CHSY3: variants seen among roughly 807,000 people sequenced by gnomAD.
CHSY3 encodes N-acetylgalactosaminyl-proteoglycan 3-beta-glucuronosyltransferase 3.
In CHSY3, 35 loss-of-function variants were observed where a neutral mutation model predicts 67.2. That is an observed-to-expected ratio of 0.52 (90% CI 0.40 to 0.69). CHSY3 has a LOEUF of 0.69. Among genes scored for constraint, CHSY3 ranks in the 30% least tolerant of loss-of-function variants. CHSY3 has a pLI of 0.00. For synonymous variants in CHSY3, 474 were observed against 434.7 expected (o/e 1.09, Z -1.12); for missense variants, 1,069 against 1,138.5 (o/e 0.94, Z 0.88).
At chr5:130,169,981 A>C (rs1424555334) in intron 2 of CHSY3, among the ~76,000 whole-genome samples, 1 of 152,026 alleles carries the variant, frequency 6.6e-6, no homozygotes, top group Non-Finnish European at 1.5e-5. Flanking sequence ...TTAAATTTTT[A>C]AATAAAATAT....
At chr5:130,116,293 T>C (rs951781247) in intron 2 of CHSY3, among the ~76,000 whole-genome samples, 1 of 152,212 alleles carries the variant, frequency 6.6e-6, no homozygotes, top group Non-Finnish European at 1.5e-5. Flanking sequence ...AGAGTGCTAA[T>C]TGTAATGTTC....
At chr5:130,047,905 TTTTG>T (rs1422748321) in intron 2 of CHSY3, among the ~76,000 whole-genome samples, 15 of 147,432 alleles carry the variant, frequency 1.0e-4, no homozygotes, top group Admixed American at 8.0e-4. Context: ...ATTGTCAGGT[TTTTG>T]TTTGTGTTAA....
At chr5:130,070,090 A>G (rs1766010514) in intron 2 of CHSY3, among the ~76,000 whole-genome samples, 1 of 152,080 alleles carries the variant, frequency 6.6e-6, no homozygotes, top group African/African-American at 2.4e-5. Context: ...CATACCAACA[A>G]TAGACATAAT....
At chr5:129,964,495 A>G (rs897452053) in intron 2 of CHSY3, among the ~76,000 whole-genome samples, 15 of 151,964 alleles carry the variant, frequency 9.9e-5, no homozygotes, top group Admixed American at 6.6e-4. Flanking sequence ...CCAAGTGTGC[A>G]TTCAGATATA....
At chr5:129,907,948 T>C in intron 1 of CHSY3, 129 bp from the exon 2 acceptor site, 1 of 1,433,780 alleles carries the variant, frequency 7.0e-7, no homozygotes, top group Non-Finnish European at 9.2e-7. Flanking sequence ...GGAAGAGGCT[T>C]TTTCTTCTTT....
At chr5:130,155,476 C>A (rs774349597) in intron 2 of CHSY3, among the ~76,000 whole-genome samples, 1 of 152,162 alleles carries the variant, frequency 6.6e-6, no homozygotes, top group African/African-American at 2.4e-5. Context: ...TTTAATGCAA[C>A]CTTCCACTTC....
chr5:130,095,796 A>T (rs1247902937), intron 2 of CHSY3, among the ~76,000 whole-genome samples: 1 of 152,250 alleles, frequency 6.6e-6, no homozygotes, highest in African/African-American at 2.4e-5. Context: ...AAATGAAAAA[A>T]GTAGTAACTT....
intron 2 of CHSY3, among the ~76,000 whole-genome samples, chr5:129,940,032 C>A (rs1169482914): frequency 6.6e-6 from 1 of 151,966 alleles, no homozygotes; most frequent in Non-Finnish European, 1.5e-5. Context: ...AATTATAACA[C>A]CGTTGAAAAA....
At chr5:130,178,187 G>GTATATA (rs1241887028) in intron 2 of CHSY3, among the ~76,000 whole-genome samples, 7 of 121,926 alleles carry the variant, frequency 5.7e-5, no homozygotes, top group African/African-American at 2.3e-4. Flanking sequence ...ATGTGTGTGT[G>GTATATA]TATATATATA....
chr5:129,956,207 T>A (rs1762168586), intron 2 of CHSY3, among the ~76,000 whole-genome samples: 1 of 152,174 alleles, frequency 6.6e-6, no homozygotes, highest in Non-Finnish European at 1.5e-5. Flanking sequence ...GTGTTATTTT[T>A]TGACATTTTA....
chr5:129,920,540 A>C (rs1760887874), intron 2 of CHSY3, among the ~76,000 whole-genome samples: 3 of 152,102 alleles, frequency 2.0e-5, no homozygotes, highest in Non-Finnish European at 2.9e-5. Context: ...TACCATGCCC[A>C]GCCAAGGAAT....
intron 2 of CHSY3, among the ~76,000 whole-genome samples, chr5:130,143,266 G>T (rs1384155615): frequency 6.6e-6 from 1 of 151,952 alleles, no homozygotes; most frequent in African/African-American, 2.4e-5. Flanking sequence ...GAAATAGAAA[G>T]GCAATAACCC....
chr5:130,079,717 T>C (rs1023031990), intron 2 of CHSY3, among the ~76,000 whole-genome samples: 11 of 152,128 alleles, frequency 7.2e-5, no homozygotes, highest in Non-Finnish European at 1.2e-4. Flanking sequence ...AGTAGCATAA[T>C]AAACTTACTT....
intron 2 of CHSY3, among the ~76,000 whole-genome samples, chr5:130,138,994 T>C (rs740481): frequency 0.045 from 6,887 of 152,258 alleles, 429 homozygotes; most frequent in East Asian, 0.27. Flanking sequence ...ACCTACTACA[T>C]ACATAGGCTA....
chr5:130,110,867 A>G (rs1276248063), intron 2 of CHSY3, among the ~76,000 whole-genome samples: 1 of 151,898 alleles, frequency 6.6e-6, no homozygotes, highest in African/African-American at 2.4e-5. Context: ...GAATGTAAAA[A>G]TGTTTGAACA....
intron 2 of CHSY3, among the ~76,000 whole-genome samples, chr5:129,946,084 G>A (rs1761847494): frequency 6.6e-6 from 1 of 152,176 alleles, no homozygotes; most frequent in Non-Finnish European, 1.5e-5. Flanking sequence ...TACAGTGAGG[G>A]TGCTGGGCAG....
chr5:129,947,599 A>G (rs930967769), intron 2 of CHSY3, among the ~76,000 whole-genome samples: 4 of 150,234 alleles, frequency 2.7e-5, no homozygotes, highest in African/African-American at 9.9e-5. Flanking sequence ...CTCCAGCCTG[A>G]GCACATAGCG....
intron 2 of CHSY3, among the ~76,000 whole-genome samples, chr5:129,930,059 C>T (rs1015662158): frequency 6.6e-6 from 1 of 152,144 alleles, no homozygotes; most frequent in Non-Finnish European, 1.5e-5. Context: ...GGCATGGTGG[C>T]TTAAGCAAGC....
intron 2 of CHSY3, among the ~76,000 whole-genome samples, chr5:130,027,206 T>A (rs1239237856): frequency 1.3e-5 from 2 of 152,094 alleles, no homozygotes; most frequent in Admixed American, 1.3e-4. Context: ...AATTGTATAA[T>A]GTGAGTCTAA....
Sources: gnomAD v4.1 joint callset for allele counts (sites outside exome capture counted in the v4.1 genomes callset) on GRCh38, gnomAD v4.1.1 for gene constraint, MANE v1.5 for transcripts, NCBI Gene and HGNC (gene_info 2026-07-23, HGNC 2026-07-21) for gene names.